Variants in CDC25B observed in about 807,000 individuals in gnomAD.
CDC25B encodes the protein M-phase inducer phosphatase 2.
In CDC25B, 33 loss-of-function variants were observed where a neutral mutation model predicts 69.8. That is an observed-to-expected ratio of 0.47 (90% CI 0.36 to 0.63). The LOEUF (loss-of-function observed/expected upper bound fraction) is 0.63. Ranked by LOEUF, CDC25B falls within the 30% of genes least tolerant of loss-of-function variation. The pLI, the probability that CDC25B is intolerant of heterozygous loss-of-function variation, is 0.00. For synonymous variants in CDC25B, 341 were observed against 314.6 expected, an observed-to-expected ratio of 1.08 and a Z score of -0.89; for missense variants, 727 against 809.1, an observed-to-expected ratio of 0.90 and a Z score of 1.23.
intron 14 of CDC25B, 77 bp from the exon 15 acceptor site, chr20:3,804,492 G>A (rs1033785031): frequency 1.1e-6 from 1 of 890,662 alleles, no homozygotes; most frequent in Non-Finnish European, 1.9e-6. Context: ...CAAAGGAGGG[G>A]ACGTGGGGGA....
At position 3,800,744 on chromosome 20, in the gene CDC25B, T is replaced by G; in HGVS notation, c.461T>G (p.Val154Gly). 6.2e-7 allele frequency: 1 copy of G among 1,608,536 alleles called. No homozygotes were observed. The highest frequency in any genetic ancestry group is 8.5e-7 in the Non-Finnish European group (1 of 1,179,978). Residue 154 changes from valine (V) to glycine (G), a missense_variant and splice_region_variant, in exon 6 of 16, where the codon GTG (valine) becomes GGG (glycine). By Grantham distance (109) the Val-to-Gly change is moderately radical. Transcript: ENST00000245960. ...CTGCCGCCCTGCCTGGCTCTCTAGG[T>G]GAGGCTGCTGGGCCACAGCCCCGTG... ...FAIRRFQSMP[V>G]RLLGHSPVLR...
chr20:3,787,259 C>A, intron 1 of CDC25B: 1 of 497,876 alleles, frequency 2.0e-6, no homozygotes, highest in Non-Finnish European at 3.6e-6. Flanking sequence ...GCATCTCCTG[C>A]TGTTTTACCT....
At chr20:3,796,308 C>T, upstream of CDC25B, 1 of 1,366,552 alleles carries the variant, frequency 7.3e-7, no homozygotes, top group Non-Finnish European at 9.4e-7. Flanking sequence ...GCAGCTGCAA[C>T]TAGAGGCTTC....
At chr20:3,799,984 C>A (rs962175235) in intron 3 of CDC25B, among the ~76,000 whole-genome samples, 3 of 152,066 alleles carry the variant, frequency 2.0e-5, no homozygotes, top group African/African-American at 7.2e-5. Context: ...TGCAGGCTGG[C>A]GAGACTGTTG....
chr20:3,792,294 C>G (rs1443327896), upstream of CDC25B, among the ~76,000 whole-genome samples: 1 of 151,682 alleles, frequency 6.6e-6, no homozygotes, highest in East Asian at 1.9e-4. Flanking sequence ...CCTGCAGCCA[C>G]TAACCCTAAG....
In CDC25B at chr20:3,804,823, C is replaced by G; in HGVS notation, c.1605C>G (p.Asn535Lys). Residue 535 changes from asparagine to lysine, a missense_variant and splice_region_variant, in exon 16 of 16, where the codon AAC becomes AAG. Physicochemically the swap from Asn to Lys is moderately conservative, Grantham distance 94 (BLOSUM62 0). Transcript: ENST00000245960. ...TGACCCCTCCTGTCCTGCCCTAGAA[C>G]TTCTGTGAACCCCAGGACTACCGGC... The part of the protein sequence containing the change: ...GYKEFFPQHP[N>K]FCEPQDYRPM... The G allele has an allele frequency of 6.2e-7, 1 of 1,614,138 alleles. No individual in the cohort carries two copies. Among genetic ancestry groups the G allele is most frequent in the Non-Finnish European group, 8.5e-7 (1 of 1,180,000 alleles).
At position 3,805,423 on chromosome 20, in the gene CDC25B, ATC is replaced by A; in HGVS notation, c.*466_*467del. On this transcript the variant is annotated 3_prime_UTR_variant, in exon 16 of 16. Coordinates refer to ENST00000245960, the MANE Select transcript of CDC25B (RefSeq NM_021873.4). ...ACTTCCCGGGCCAGGGCTGCCCCTA[ATC>A]TCTGTAGGAACCGTGGTATGTCTGC... 1 of 238,936 alleles carries A rather than the reference ATC, an allele frequency of 4.2e-6. No homozygotes were observed. The highest frequency in any genetic ancestry group is 8.1e-6 in the Non-Finnish European group (1 of 123,360). 14.8% of individuals were successfully genotyped at this position (238,936 alleles called of 1,614,324 possible).
chr20:3,798,596 C>T (rs562254724), intron 3 of CDC25B, 133 bp downstream of exon 3: 15 of 577,232 alleles, frequency 2.6e-5, no homozygotes, highest in Non-Finnish European at 4.1e-5. Context: ...TCCCCATGGC[C>T]GGGGGGCTCA....
rs555819265 is a variant in CDC25B, at chr20:3,800,264, G to C, written c.381-24G>C. 23 of 1,613,414 alleles carry C rather than the reference G, an allele frequency of 1.4e-5. No homozygotes were observed. The South Asian group carries it at 2.3e-4, about 16-fold the overall frequency. On this transcript the variant is annotated intron_variant, in intron 3 of 15. Coordinates refer to ENST00000245960, the MANE Select transcript of CDC25B (RefSeq NM_021873.4). ...GATGGGTGCGGAGGGAGCATGGGTT[G>C]CATGGGACCCTTCTCTGTCCTAGGT...
chr20:3,796,210 T>G, upstream of CDC25B: 1 of 1,221,994 alleles, frequency 8.2e-7, no homozygotes, highest in Non-Finnish European at 1.0e-6. Context: ...CCGCCCTCAG[T>G]CCCGCCCTCA....
rs2146709661 is a variant in CDC25B, at chr20:3,804,916, G to T, written c.1698G>T (p.Gly566=). 1 of 1,613,952 alleles carries T rather than the reference G, an allele frequency of 6.2e-7. No individual in the cohort carries two copies. The highest frequency in any genetic ancestry group is 1.1e-5 in the South Asian group (1 of 91,088). ...TFRLKTRSWA[G]ERSRRELCSR... is the part of the protein sequence containing the mutation. ...GCCTCAAGACTCGCAGCTGGGCTGGGGAGCGGAGCCGGCGGGAGCTCTGTA... is the reference window on the plus strand; with the variant it reads ...GCCTCAAGACTCGCAGCTGGGCTGGTGAGCGGAGCCGGCGGGAGCTCTGTA... The change falls in exon 16 of 16, where the codon GGG becomes GGT. Residue 566 remains glycine (G), a synonymous_variant. Transcript: ENST00000245960.
upstream of CDC25B, among the ~76,000 whole-genome samples, chr20:3,795,581 G>T (rs773457109): frequency 2.6e-4 from 40 of 152,200 alleles, no homozygotes; most frequent in Non-Finnish European, 5.0e-4. Flanking sequence ...TCCATTCCTA[G>T]TTCCACCGTT....
Position 3,805,364 on chromosome 20 carries a change from T to G in CDC25B, c.*403T>G. 1 of 261,534 alleles carries G rather than the reference T, an allele frequency of 3.8e-6. No individual in the cohort carries two copies. Among genetic ancestry groups the G allele is most frequent in the Non-Finnish European group, 7.4e-6 (1 of 135,590 alleles). 16.2% of individuals were successfully genotyped at this position (261,534 alleles called of 1,614,324 possible). ...TGAGGATGGGTCAGAGCTAAACTCC[T>G]TCCTGGCCTGAGAGTCAGCTCTCTG... is the stretch of plus-strand genomic sequence containing the variant. On this transcript the variant is annotated 3_prime_UTR_variant, in exon 16 of 16. Transcript: ENST00000245960.
At position 3,805,375 on chromosome 20, in the gene CDC25B, A is replaced by G. The variant is rs2089442795; in HGVS notation, c.*414A>G. The G allele has an allele frequency of 7.7e-6, 2 of 260,882 alleles. No individual in the cohort carries two copies. The highest frequency in any genetic ancestry group is 7.8e-5 in the East Asian group (1 of 12,804). 16.2% of individuals were successfully genotyped at this position (260,882 alleles called of 1,614,324 possible). A position where few individuals can be genotyped will look rare whatever the true frequency, so the allele number is the denominator to read the frequency against. On this transcript the variant is annotated 3_prime_UTR_variant, in exon 16 of 16. Coordinates refer to ENST00000245960, the MANE Select transcript of CDC25B (RefSeq NM_021873.4). ...CAGAGCTAAACTCCTTCCTGGCCTG[A>G]GAGTCAGCTCTCTGCCCTGTGTACT...
intron 1 of CDC25B, among the ~76,000 whole-genome samples, chr20:3,787,991 G>A (rs1291094429): frequency 1.3e-5 from 2 of 152,124 alleles, no homozygotes; most frequent in Admixed American, 1.3e-4. Context: ...CAAAAAATTA[G>A]CCAAGTGTGG....
intron 11 of CDC25B, chr20:3,802,653 C>T: frequency 1.7e-6 from 1 of 601,090 alleles, no homozygotes; most frequent in South Asian, 2.0e-5. Context: ...CACCTTCGGG[C>T]TTGGCAGAGG....
At position 3,804,595 on chromosome 20, in the gene CDC25B, G is replaced by A; in HGVS notation, c.1517G>A (p.Arg506His). 4 of 1,613,912 alleles carry A rather than the reference G, an allele frequency of 2.5e-6. No individual in the cohort carries two copies. Among genetic ancestry groups the A allele is most frequent in the Non-Finnish European group, 3.4e-6 (4 of 1,179,820 alleles). ...TGCCGTTTCATCAGGGAACGAGACC[G>A]TGCTGTCAACGACTACCCCAGCCTC... is the stretch of plus-strand genomic sequence containing the variant. ...RMCRFIRERD[R>H]AVNDYPSLYY... Residue 506 changes from arginine to histidine, a missense_variant, in exon 15 of 16, where the codon CGT (arginine) becomes CAT (histidine). By Grantham distance (29) the Arg-to-His change is conservative. This residue lies in a region of CDC25B where 359 missense variants were observed against 463.4 expected (regional missense o/e 0.77). Coordinates refer to ENST00000245960, the MANE Select transcript of CDC25B (RefSeq NM_021873.4).
At chr20:3,794,068 T>C (rs1298707305), upstream of CDC25B, among the ~76,000 whole-genome samples, 1 of 150,218 alleles carries the variant, frequency 6.7e-6, no homozygotes, top group African/African-American at 2.5e-5. Flanking sequence ...TACATGTGCA[T>C]GTGTCTTTAT....
intron 3 of CDC25B, among the ~76,000 whole-genome samples, chr20:3,799,746 A>G (rs2089207938): frequency 6.6e-6 from 1 of 152,134 alleles, no homozygotes; most frequent in Non-Finnish European, 1.5e-5. Flanking sequence ...GGTCTACTGT[A>G]TCAGACTGGA....
Sources: allele counts gnomAD v4.1 joint callset (sites outside exome capture counted in the v4.1 genomes callset), GRCh38; gene constraint gnomAD v4.1.1; regional missense constraint gnomAD v4.1.1; transcripts MANE v1.5; gene names NCBI Gene and HGNC (gene_info 2026-07-23, HGNC 2026-07-21).